Variants in CACHD1 observed in about 807,000 individuals in gnomAD.
CACHD1 encodes VWFA and cache domain-containing protein 1.
A neutral mutation model predicts 138.7 loss-of-function variants in CACHD1; 71 were observed. The observed-to-expected ratio is 0.51, with a 90% CI of 0.42 to 0.62. CACHD1 has a LOEUF of 0.62. Ranked by LOEUF, CACHD1 falls within the 20% of genes least tolerant of loss-of-function variation. CACHD1 has a pLI of 0.00. For synonymous variants in CACHD1, 578 were observed against 591.5 expected (o/e 0.98, Z 0.33); for missense variants, 1,389 against 1,625.3 (o/e 0.85, Z 2.50).
At chr1:64,531,495 TTGTG>T (rs68180558) in intron 1 of CACHD1, among the ~76,000 whole-genome samples, 103,601 of 146,708 alleles carry the variant, frequency 0.71, 37,489 homozygotes, top group Non-Finnish European at 0.79. Context: ...ATGAATGTGG[TTGTG>T]TGTGTGTGTG....
chr1:64,473,861 C>A (rs1646159567), intron 1 of CACHD1, among the ~76,000 whole-genome samples: 1 of 152,168 alleles, frequency 6.6e-6, no homozygotes, highest in Non-Finnish European at 1.5e-5. Context: ...TTTCAAGTGG[C>A]AGCACTTACT....
chr1:64,571,563 A>C (rs1210961440), intron 2 of CACHD1, among the ~76,000 whole-genome samples: 1 of 152,216 alleles, frequency 6.6e-6, no homozygotes, highest in Non-Finnish European at 1.5e-5. Context: ...GTACTTGGCC[A>C]GTGTGAGGGT....
intron 1 of CACHD1, among the ~76,000 whole-genome samples, chr1:64,477,620 TATTA>T (rs1646182222): frequency 1.5e-5 from 2 of 135,762 alleles, no homozygotes; most frequent in South Asian, 2.3e-4. Flanking sequence ...TTATTATTAT[TATTA>T]TTTTATTTTA....
intron 15 of CACHD1, among the ~76,000 whole-genome samples, chr1:64,665,799 G>A (rs953973385): frequency 9.2e-5 from 14 of 152,000 alleles, no homozygotes; most frequent in African/African-American, 2.9e-4. Context: ...GGCGGATCAC[G>A]AGGTCAGGAG....
intron 14 of CACHD1, 166 bp from the exon 15 acceptor site, chr1:64,664,332 T>G: frequency 1.6e-6 from 1 of 630,262 alleles, no homozygotes; most frequent in Non-Finnish European, 2.7e-6. Flanking sequence ...TTCTGCAAGC[T>G]TTTATTTTCA....
At chr1:64,669,624 G>A (rs769086969) in intron 16 of CACHD1, among the ~76,000 whole-genome samples, 4 of 152,120 alleles carry the variant, frequency 2.6e-5, no homozygotes, top group Non-Finnish European at 5.9e-5. Flanking sequence ...GTCTTTGGCT[G>A]TGAAAATCTC....
intron 2 of CACHD1, among the ~76,000 whole-genome samples, chr1:64,562,019 G>T (rs1646844052): frequency 6.6e-6 from 1 of 152,062 alleles, no homozygotes; most frequent in Non-Finnish European, 1.5e-5. Flanking sequence ...GAAAGTTTTT[G>T]TTACCCTGTA....
chr1:64,544,891 T>C (rs919744546), intron 1 of CACHD1, among the ~76,000 whole-genome samples: 3 of 152,152 alleles, frequency 2.0e-5, no homozygotes, highest in Non-Finnish European at 4.4e-5. Context: ...TGTACAGTAC[T>C]GTTAGTTGGG....
rs1332056331 is a variant in CACHD1 at position 64,692,565 on chromosome 1, T to C, written c.*1004T>C. 6.6e-6 allele frequency: 1 copy of C among 152,194 alleles called. No homozygotes were observed. Among genetic ancestry groups the C allele is most frequent in the Non-Finnish European group, 1.5e-5 (1 of 68,038 alleles). The allele number at this position is 152,194 out of a possible 1,614,324, so 9.4% of individuals were successfully genotyped here. A position where few individuals can be genotyped will look rare whatever the true frequency, so the allele number is the denominator to read the frequency against. ...AGACTACAAATTTTTAAATATCCCA[T>C]TTTGACTGAGAATATTGACATATAA... On this transcript the variant is annotated 3_prime_UTR_variant, in exon 27 of 27. Transcript: ENST00000651257.
At chr1:64,587,680 A>G (rs936231835) in intron 3 of CACHD1, among the ~76,000 whole-genome samples, 1 of 152,224 alleles carries the variant, frequency 6.6e-6, no homozygotes, top group Non-Finnish European at 1.5e-5. Context: ...TTTCAACGGT[A>G]TCACTTAAAA....
At chr1:64,491,740 C>T (rs970431322) in intron 1 of CACHD1, among the ~76,000 whole-genome samples, 3 of 152,124 alleles carry the variant, frequency 2.0e-5, no homozygotes, top group African/African-American at 7.2e-5. Flanking sequence ...CCTCAGCCTC[C>T]TGAGTAGCTG....
rs537128365 is a variant in CACHD1, at chr1:64,672,283, G to A, written c.2510+597G>A. Among the ~76,000 whole-genome samples the A allele has an allele frequency of 3.5e-4, 54 of 152,268 alleles. No individual in the cohort carries two copies. In the South Asian group the frequency reaches 7.1e-3, roughly 20 times the overall value. On this transcript the variant is annotated intron_variant, in intron 17 of 26. Coordinates refer to ENST00000651257, the MANE Select transcript of CACHD1 (RefSeq NM_020925.4). ...GGAAATGCAGAATTCCTGGCAAACT[G>A]ATATCACTAATGTAAAGTAAAATAA...
chr1:64,507,312 C>A lies in CACHD1; in HGVS notation c.198+36370C>A, dbSNP rs185491472. On this transcript the variant is annotated intron_variant, in intron 1 of 26. Coordinates refer to ENST00000651257, the MANE Select transcript of CACHD1 (RefSeq NM_020925.4). ...TAGTTGGTTGTATCCAATCTGCCTG[C>A]CCCACTATGTTATACATTCCTTGGG... 2.2e-4 allele frequency among the ~76,000 whole-genome samples: 34 copies of A among 152,318 alleles called. No homozygotes were observed. In the East Asian group the frequency reaches 6.2e-3, roughly 28 times the overall value.
At chr1:64,683,363 C>T (rs1172816086) in intron 26 of CACHD1, among the ~76,000 whole-genome samples, 1 of 152,172 alleles carries the variant, frequency 6.6e-6, no homozygotes, top group East Asian at 1.9e-4. Flanking sequence ...CAGTTCTGTG[C>T]CTTCTCGTTT....
intron 4 of CACHD1, among the ~76,000 whole-genome samples, chr1:64,613,747 C>CA (rs1301633335): frequency 6.6e-6 from 1 of 152,120 alleles, no homozygotes; most frequent in Non-Finnish European, 1.5e-5. Flanking sequence ...TTCTGTAGCT[C>CA]AGAGTAGATG....
At position 64,565,904 on chromosome 1, in the gene CACHD1, A is replaced by T. The variant is rs58018714; in HGVS notation, c.261+15248A>T. On this transcript the variant is annotated intron_variant, in intron 2 of 26. Coordinates refer to ENST00000651257, the MANE Select transcript of CACHD1 (RefSeq NM_020925.4). ...TCCAAGTTTAGTGTTTTCTTTATTT[A>T]TATTGTACTGGCCGTGATAATAATC... 9.6e-3 allele frequency among the ~76,000 whole-genome samples: 1,468 copies of T among 152,276 alleles called. 31 individuals are homozygous for T. Among genetic ancestry groups the T allele is most frequent in the African/African-American group, 0.034 (1,405 of 41,564 alleles).
chr1:64,604,183 G>C (rs565531931), intron 4 of CACHD1, among the ~76,000 whole-genome samples: 1 of 152,248 alleles, frequency 6.6e-6, no homozygotes, highest in South Asian at 2.1e-4. Flanking sequence ...GGTCTGAAAA[G>C]AATAAGCTGT....
intron 4 of CACHD1, among the ~76,000 whole-genome samples, chr1:64,609,766 C>CT (rs60809585): frequency 0.29 from 44,541 of 151,842 alleles, 7,558 homozygotes; most frequent in African/African-American, 0.47. Flanking sequence ...GTATCCTGAA[C>CT]TTTTTTATTT....
At chr1:64,673,826 G>A (rs968342025) in intron 19 of CACHD1, among the ~76,000 whole-genome samples, 3 of 152,184 alleles carry the variant, frequency 2.0e-5, no homozygotes, top group African/African-American at 7.2e-5. Context: ...GAGATCACTC[G>A]GGCTCCTTAA....
Sources: allele counts gnomAD v4.1 joint callset (sites outside exome capture counted in the v4.1 genomes callset), GRCh38; gene constraint gnomAD v4.1.1; transcripts MANE v1.5; gene names NCBI Gene and HGNC (gene_info 2026-07-23, HGNC 2026-07-21).